The following MRPS7 variants were observed in gnomAD, a reference collection of about 807,000 sequenced individuals.
MRPS7 encodes mitochondrial ribosomal protein S7.
A neutral mutation model predicts 26.2 loss-of-function variants in MRPS7; 13 were observed. That is an observed-to-expected ratio of 0.50 (90% CI 0.32 to 0.79). The LOEUF is 0.79. MRPS7 is among the 30% of genes least tolerant of loss of function. The pLI, the probability that MRPS7 is intolerant of heterozygous loss-of-function variation, is 0.03. For synonymous variants in MRPS7, 129 were observed against 113.3 expected, an observed-to-expected ratio of 1.14 and a Z score of -0.88; for missense variants, 318 against 312.2, an observed-to-expected ratio of 1.02 and a Z score of -0.14.
intron 4 of MRPS7, among the ~76,000 whole-genome samples, chr17:75,265,179 C>G (rs994532659): frequency 6.7e-6 from 1 of 150,100 alleles, no homozygotes; most frequent in African/African-American, 2.5e-5. Flanking sequence ...GCTGGGATTA[C>G]AGGCGCCTGC....
At position 75,262,591 on chromosome 17, in the gene MRPS7, G is replaced by A; in HGVS notation, c.178G>A (p.Glu60Lys). 6.2e-7 allele frequency: 1 copy of A among 1,614,150 alleles called. No individual in the cohort carries two copies. The highest frequency in any genetic ancestry group is 8.5e-7 in the Non-Finnish European group (1 of 1,180,030). Residue 60 changes from glutamate to lysine, a missense_variant, in exon 2 of 5, where the codon GAG (glutamate) becomes AAG (lysine). Transcript: ENST00000245539. The part of the protein sequence containing the change: ...YYRKPVEELT[E>K]EEKYVRELKK... The stretch of plus-strand genomic sequence containing the variant: ...TCGCAAGCCAGTGGAGGAGCTAACT[G>A]AGGAGGAGAAATATGTTCGGGAGCT...
At chr17:75,262,895 CT>C (rs1855078815) in intron 3 of MRPS7, 28 bp downstream of exon 3, 1 of 1,608,924 alleles carries the variant, frequency 6.2e-7, no homozygotes, top group Non-Finnish European at 8.5e-7. Flanking sequence ...CCTCAGTCAT[CT>C]TTCTTGCCCC....
chr17:75,261,910 C>G lies in MRPS7; in HGVS notation c.10C>G (p.Pro4Ala). MAA[P>A]AVKVARGWSG... ...CTCGTGGCCAGCCAAGATGGCTGCC[C>G]CCGCAGTGAAGGTTGCCCGAGGATG... is the stretch of plus-strand genomic sequence containing the variant. Residue 4 changes from proline (P) to alanine (A), a missense_variant, in exon 1 of 5, where the codon CCC (proline) becomes GCC (alanine). By Grantham distance (27) the Pro-to-Ala change is conservative. Transcript: ENST00000245539. 1 of 1,608,864 alleles carries G rather than the reference C, an allele frequency of 6.2e-7. No individual in the cohort carries two copies. Among genetic ancestry groups the G allele is most frequent in the Non-Finnish European group, 8.5e-7 (1 of 1,179,782 alleles).
At position 75,266,342 on chromosome 17, in the gene MRPS7, T is replaced by A. The variant is rs1016668485; in HGVS notation, c.*419T>A. 5.5e-6 allele frequency: 2 copies of A among 361,244 alleles called. No individual in the cohort carries two copies. Among genetic ancestry groups the A allele is most frequent in the Admixed American group, 8.5e-5 (2 of 23,468 alleles). 22.4% of individuals were successfully genotyped at this position (361,244 alleles called of 1,614,324 possible). A position where few individuals can be genotyped will look rare whatever the true frequency, so the allele number is the denominator to read the frequency against. ...ATAGGCTTGTTTCCAGAGTTGTCCT[T>A]ATACAAAATGTATAAAAAGCAGTTT... is the stretch of plus-strand genomic sequence containing the variant. On this transcript the variant is annotated 3_prime_UTR_variant, in exon 5 of 5. Transcript: ENST00000245539.
At chr17:75,264,848 CA>C (rs150424297) in intron 4 of MRPS7, among the ~76,000 whole-genome samples, 4,456 of 151,782 alleles carry the variant, frequency 0.029, 104 homozygotes, top group Non-Finnish European at 0.044. Context: ...CCACCATGCC[CA>C]GCTAATTTTT....
Position 75,265,818 on chromosome 17 carries a change from G to T in MRPS7, c.624G>T (p.Lys208Asn). ...RTLMPEKLSH[K>N]LLEAFHNQGP... ...TGATGCCGGAGAAGCTGTCACACAA[G>T]CTGCTGGAGGCTTTCCATAACCAGG... is the stretch of plus-strand genomic sequence containing the variant. Residue 208 changes from lysine (K) to asparagine (N), a missense_variant, in exon 5 of 5, where the codon AAG becomes AAT. Transcript: ENST00000245539. 1 of 1,614,190 alleles carries T rather than the reference G, an allele frequency of 6.2e-7. No homozygotes were observed. Among genetic ancestry groups the T allele is most frequent in the Non-Finnish European group, 8.5e-7 (1 of 1,180,044 alleles).
Position 75,261,882 on chromosome 17 carries a change from G to GTC in MRPS7, c.-18_-17dup. On this transcript the variant is annotated 5_prime_UTR_variant, in exon 1 of 5. Transcript: ENST00000245539. ...GCGCGCCGAGGGCAGTCCTTGTGGG[G>GTC]TCCTCGTGGCCAGCCAAGATGGCTG... is the stretch of plus-strand genomic sequence containing the variant. 2 of 1,606,186 alleles carry GTC rather than the reference G, an allele frequency of 1.2e-6. No individual in the cohort carries two copies. Among genetic ancestry groups the GTC allele is most frequent in the Non-Finnish European group, 1.7e-6 (2 of 1,178,992 alleles).
intron 4 of MRPS7, among the ~76,000 whole-genome samples, chr17:75,265,400 C>T (rs888384034): frequency 6.6e-6 from 1 of 151,778 alleles, no homozygotes; most frequent in African/African-American, 2.4e-5. Flanking sequence ...GTCTTGAACT[C>T]CTGGGCTCAA....
rs770499792 is a variant in MRPS7, at chr17:75,262,480, C to T, written c.84-17C>T. On this transcript the variant is annotated splice_polypyrimidine_tract_variant and intron_variant, in intron 1 of 4. Transcript: ENST00000245539. ...GGAGTCAGCTTTTGCCTGCCTCCTC[C>T]TTTCCCCCCCTCCCAGGCTAACTCA... 9.3e-6 allele frequency: 15 copies of T among 1,611,546 alleles called. No individual in the cohort carries two copies. The African/African-American group carries it at 1.6e-4, about 17-fold the overall frequency.
At position 75,266,241 on chromosome 17, in the gene MRPS7, A is replaced by G. The variant is rs866784852; in HGVS notation, c.*318A>G. ...TAAAGGAAGCAGTTTTAGTATCAGA[A>G]AAGATTTATTAGAAAATTCTCACGC... On this transcript the variant is annotated 3_prime_UTR_variant, in exon 5 of 5. Transcript: ENST00000245539. 4.4e-5 allele frequency: 18 copies of G among 412,582 alleles called. No individual in the cohort carries two copies. Among genetic ancestry groups the G allele is most frequent in the African/African-American group, 2.0e-4 (10 of 49,682 alleles). 25.6% of individuals were successfully genotyped at this position (412,582 alleles called of 1,614,324 possible). A position where few individuals can be genotyped will look rare whatever the true frequency, so the allele number is the denominator to read the frequency against.
chr17:75,265,360 A>G (rs2077467893), intron 4 of MRPS7, among the ~76,000 whole-genome samples: 1 of 150,170 alleles, frequency 6.7e-6, no homozygotes. Flanking sequence ...TAATATATGG[A>G]GACAGGGTCT....
chr17:75,262,120 G>T lies in MRPS7; in HGVS notation c.83+137G>T, dbSNP rs73356355. 12,999 of 1,044,076 alleles carry T rather than the reference G, an allele frequency of 0.012. 1,054 individuals are homozygous for T. In the African/African-American group the frequency reaches 0.17, roughly 14 times the overall value. The allele number at this position is 1,044,076 out of a possible 1,614,324, so 64.7% of individuals were successfully genotyped here. The stretch of plus-strand genomic sequence containing the variant: ...ATTCAAGCTTCTAAGTTAGCTGCGT[G>T]ACCCTGCGCCAATCCGAAGGTTTAG... On this transcript the variant is annotated intron_variant, in intron 1 of 4. Coordinates refer to ENST00000245539, the MANE Select transcript of MRPS7 (RefSeq NM_015971.4).
intron 2 of MRPS7, 28 bp downstream of exon 2, chr17:75,262,716 T>C: frequency 1.2e-6 from 2 of 1,613,902 alleles, no homozygotes; most frequent in Non-Finnish European, 1.7e-6. Flanking sequence ...ACTTGTTACA[T>C]GGACTGGGAC....
chr17:75,264,213 A>G (rs1005872546), intron 4 of MRPS7: 2 of 150,770 alleles, frequency 1.3e-5, no homozygotes, highest in African/African-American at 4.9e-5. Context: ...GTTACGGTCC[A>G]CTCATCTGAG....
chr17:75,265,035 C>CTTCTTT (rs926598495), intron 4 of MRPS7, among the ~76,000 whole-genome samples: 3 of 151,606 alleles, frequency 2.0e-5, no homozygotes, highest in Admixed American at 6.6e-5. Flanking sequence ...CAGTGCTTTT[C>CTTCTTT]TTCTTTTTCT....
intron 3 of MRPS7, 80 bp from the exon 4 acceptor site, chr17:75,263,260 G>T (rs1476879325): frequency 1.9e-5 from 29 of 1,555,630 alleles, no homozygotes; most frequent in Non-Finnish European, 2.5e-5. Context: ...GAGGATGGGA[G>T]TAAAGGGCAA....
rs1004522913 is a variant in MRPS7 at position 75,262,747 on chromosome 17, G to T, written c.276-57G>T. On this transcript the variant is annotated intron_variant, in intron 2 of 4. Coordinates refer to ENST00000245539, the MANE Select transcript of MRPS7 (RefSeq NM_015971.4). Reference sequence around the variant, plus strand: ...GGGACTATCCCAGGGAGGGTTTCTGGTGAGGATTCTGTGATACAGCCTTGG... The same window carrying T: ...GGGACTATCCCAGGGAGGGTTTCTGTTGAGGATTCTGTGATACAGCCTTGG... 12 of 1,613,748 alleles carry T rather than the reference G, an allele frequency of 7.4e-6. No individual in the cohort carries two copies. The African/African-American group carries it at 1.2e-4, about 16-fold the overall frequency.
At position 75,261,946 on chromosome 17, in the gene MRPS7, G is replaced by T. The variant is rs1213440774; in HGVS notation, c.46G>T (p.Ala16Ser). The T allele has an allele frequency of 1.2e-6, 2 of 1,608,536 alleles. No individual in the cohort carries two copies. The highest frequency in any genetic ancestry group is 2.7e-5 in the African/African-American group (2 of 75,054). Residue 16 changes from alanine (A) to serine (S), a missense_variant, in exon 1 of 5, where the codon GCG becomes TCG. Physicochemically the swap from Ala to Ser is moderately conservative, Grantham distance 99 (BLOSUM62 1). Transcript: ENST00000245539. ...VKVARGWSGL[A>S]LGVRRAVLQL... is the part of the protein sequence containing the mutation. Reference sequence around the variant, plus strand: ...GGTTGCCCGAGGATGGTCGGGCCTGGCGTTGGGCGTGCGGCGGGCTGTCTT... The same window carrying T: ...GGTTGCCCGAGGATGGTCGGGCCTGTCGTTGGGCGTGCGGCGGGCTGTCTT...
In MRPS7 at chr17:75,262,840, A is replaced by C; in HGVS notation, c.312A>C (p.Lys104Asn). Residue 104 changes from lysine to asparagine, a missense_variant, in exon 3 of 5, where the codon AAA becomes AAC. Transcript: ENST00000245539. ...ACATGATGATGATAGGAGGAAACAA[A>C]GTACTGGCCAGATCCCTCATGATTC... ...FTNMMMIGGN[K>N]VLARSLMIQT... The C allele has an allele frequency of 6.2e-7, 1 of 1,614,170 alleles. No homozygotes were observed. The highest frequency in any genetic ancestry group is 8.5e-7 in the Non-Finnish European group (1 of 1,180,006).
Sources: gnomAD v4.1 joint callset for allele counts (sites outside exome capture counted in the v4.1 genomes callset) on GRCh38, gnomAD v4.1.1 for gene constraint, MANE v1.5 for transcripts, NCBI Gene and HGNC (gene_info 2026-07-23, HGNC 2026-07-21) for gene names.